GRAMD2B: variants seen among roughly 807,000 people sequenced by gnomAD.
The protein encoded by GRAMD2B is GRAM domain containing 2B.
In GRAMD2B, 41 loss-of-function variants were observed where a neutral mutation model predicts 59.2. The observed-to-expected ratio is 0.69, with a 90% confidence interval of 0.54 to 0.90. The LOEUF (loss-of-function observed/expected upper bound fraction) is 0.90. Among genes scored for constraint, GRAMD2B ranks in the 40% least tolerant of loss-of-function variants. GRAMD2B has a pLI of 0.00. For missense variants in GRAMD2B, 424 were observed against 500.5 expected, an observed-to-expected ratio of 0.85 and a Z score of 1.46; for synonymous variants, 161 against 182.7, an observed-to-expected ratio of 0.88 and a Z score of 0.96.
At chr5:126,488,627 A>T (rs1356862911) in intron 12 of GRAMD2B, among the ~76,000 whole-genome samples, 172 bp from the exon 13 acceptor site, 1 of 152,250 alleles carries the variant, frequency 6.6e-6, no homozygotes, top group African/African-American at 2.4e-5. Flanking sequence ...TTCCCTAAAC[A>T]TCTAGCCTGG....
In GRAMD2B at chr5:126,494,243, A is replaced by G. The variant is rs1306005606; in HGVS notation, c.*1287A>G. On this transcript the variant is annotated 3_prime_UTR_variant, in exon 14 of 14. Coordinates refer to ENST00000285689, the MANE Select transcript of GRAMD2B (RefSeq NM_023927.4). ...ACTCTTTTTCCACCTGCCATCTACT[A>G]CTACCAACTCACTTATACTTCCTTC... 1 of 152,330 alleles carries G rather than the reference A, an allele frequency of 6.6e-6. No homozygotes were observed. The highest frequency in any genetic ancestry group is 1.5e-5 in the Non-Finnish European group (1 of 68,016). 9.4% of individuals were successfully genotyped at this position (152,330 alleles called of 1,614,324 possible).
At chr5:126,414,528 T>A (rs568355178) in intron 1 of GRAMD2B, among the ~76,000 whole-genome samples, 2 of 152,256 alleles carry the variant, frequency 1.3e-5, no homozygotes, top group East Asian at 3.9e-4. Context: ...GCTCAGTCAG[T>A]CATGGCTCAC....
chr5:126,395,771 T>C (rs1184043343), intron 1 of GRAMD2B, among the ~76,000 whole-genome samples: 1 of 152,180 alleles, frequency 6.6e-6, no homozygotes, highest in Non-Finnish European at 1.5e-5. Flanking sequence ...TCTGTGTGTG[T>C]GTGTGCGCGC....
intron 1 of GRAMD2B, among the ~76,000 whole-genome samples, chr5:126,444,917 A>T (rs977677606): frequency 2.6e-5 from 4 of 152,182 alleles, no homozygotes; most frequent in Admixed American, 2.6e-4. Flanking sequence ...CTCATCGTTC[A>T]ACCTCCACTT....
intron 3 of GRAMD2B, among the ~76,000 whole-genome samples, chr5:126,470,420 G>T (rs1003301741): frequency 6.6e-6 from 1 of 152,084 alleles, no homozygotes; most frequent in Non-Finnish European, 1.5e-5. Flanking sequence ...ATTTAAATAT[G>T]AAATGTATTA....
chr5:126,474,310 A>G (rs765187832), intron 5 of GRAMD2B, among the ~76,000 whole-genome samples: 16 of 152,196 alleles, frequency 1.1e-4, no homozygotes, highest in Non-Finnish European at 1.6e-4. Context: ...CTCTAAAACC[A>G]CTGGCAATTG....
chr5:126,461,675 C>T (rs1204004204), intron 1 of GRAMD2B, among the ~76,000 whole-genome samples: 2 of 152,192 alleles, frequency 1.3e-5, no homozygotes, highest in Non-Finnish European at 2.9e-5. Flanking sequence ...TGGCAGGCAC[C>T]TGTAATCCCA....
At chr5:126,391,327 A>AAAAAAAAAAAAAAAAAAAC (rs1756750867) in intron 1 of GRAMD2B, among the ~76,000 whole-genome samples, 1 of 148,982 alleles carries the variant, frequency 6.7e-6, no homozygotes, top group African/African-American at 2.4e-5. Flanking sequence ...CTCAAAAAAA[A>AAAAAAAAAAAAAAAAAAAC]AAAAAAAAAA....
chr5:126,376,310 C>G (rs1755178414), intron 1 of GRAMD2B, among the ~76,000 whole-genome samples: 1 of 152,170 alleles, frequency 6.6e-6, no homozygotes, highest in South Asian at 2.1e-4. Flanking sequence ...CAAAGTCCTT[C>G]TGTGTTCTGG....
chr5:126,410,797 A>G (rs1758713698), intron 1 of GRAMD2B, among the ~76,000 whole-genome samples: 1 of 152,086 alleles, frequency 6.6e-6, no homozygotes, highest in African/African-American at 2.4e-5. Flanking sequence ...CTTTTTCATA[A>G]TAACCATTCC....
chr5:126,411,793 T>A (rs1204784239), intron 1 of GRAMD2B, among the ~76,000 whole-genome samples: 1 of 151,674 alleles, frequency 6.6e-6, no homozygotes, highest in African/African-American at 2.4e-5. Flanking sequence ...CAGTGTTTTA[T>A]AGTTCTCCTT....
At chr5:126,483,774 T>A in intron 9 of GRAMD2B, 200 bp downstream of exon 9, 1 of 538,176 alleles carries the variant, frequency 1.9e-6, no homozygotes, top group Non-Finnish European at 3.3e-6. Flanking sequence ...AAAAATTCAT[T>A]TGCTTTTATG....
chr5:126,439,128 G>A (rs896633707), intron 1 of GRAMD2B, among the ~76,000 whole-genome samples: 7 of 152,186 alleles, frequency 4.6e-5, no homozygotes, highest in African/African-American at 4.8e-5. Flanking sequence ...CACCCACATG[G>A]CCATTGAAGA....
At chr5:126,451,452 TG>T (rs1765359099) in intron 1 of GRAMD2B, among the ~76,000 whole-genome samples, 1 of 152,188 alleles carries the variant, frequency 6.6e-6, no homozygotes, top group Non-Finnish European at 1.5e-5. Context: ...GTGTGGGGCC[TG>T]CTTCCCCTTT....
intron 1 of GRAMD2B, among the ~76,000 whole-genome samples, chr5:126,444,353 A>C (rs1763828872): frequency 6.6e-6 from 1 of 152,194 alleles, no homozygotes; most frequent in South Asian, 2.1e-4. Flanking sequence ...TAACTTGCCT[A>C]TTTGGTATCT....
At chr5:126,394,854 T>A (rs747347973) in intron 1 of GRAMD2B, among the ~76,000 whole-genome samples, 2 of 152,340 alleles carry the variant, frequency 1.3e-5, no homozygotes, top group East Asian at 3.9e-4. Context: ...GTACCATAAA[T>A]ATGTTTTTTT....
intron 9 of GRAMD2B, among the ~76,000 whole-genome samples, chr5:126,483,916 C>T (rs1273878402): frequency 6.6e-6 from 1 of 152,202 alleles, no homozygotes; most frequent in Non-Finnish European, 1.5e-5. Flanking sequence ...GCAACCTCCA[C>T]CCCCCGGGTT....
At chr5:126,442,204 G>A (rs1319421390) in intron 1 of GRAMD2B, among the ~76,000 whole-genome samples, 3 of 151,148 alleles carry the variant, frequency 2.0e-5, no homozygotes, top group South Asian at 2.1e-4. Flanking sequence ...TCATCTTCAC[G>A]TTCTTCACCT....
At chr5:126,476,607 A>G (rs373671907) in intron 5 of GRAMD2B, among the ~76,000 whole-genome samples, 55 of 152,348 alleles carry the variant, frequency 3.6e-4, no homozygotes, top group African/African-American at 1.3e-3. Context: ...CTTGAATTCC[A>G]TCTTTGTAAC....
Sources: allele counts gnomAD v4.1 joint callset (sites outside exome capture counted in the v4.1 genomes callset), GRCh38; gene constraint gnomAD v4.1.1; transcripts MANE v1.5; gene names NCBI Gene and HGNC (gene_info 2026-07-23, HGNC 2026-07-21).